PHRF1: variants seen among roughly 807,000 people sequenced by gnomAD.
PHRF1 encodes the protein PHD and RING finger domain-containing protein 1.
Under a neutral mutation model 128.9 loss-of-function variants are expected in PHRF1, and 53 were observed. That is an observed-to-expected ratio of 0.41 (90% CI 0.33 to 0.52). The LOEUF (loss-of-function observed/expected upper bound fraction) is 0.52. Ranked by LOEUF, PHRF1 falls within the 20% of genes least tolerant of loss-of-function variation. PHRF1 has a pLI of 0.21. For synonymous variants in PHRF1, 1,178 were observed against 980.6 expected, an observed-to-expected ratio of 1.20 and a Z score of -3.76; for missense variants, 2,503 against 2,284.5, an observed-to-expected ratio of 1.10 and a Z score of -1.95.
Position 611,883 on chromosome 11 carries a change from G to A in PHRF1, c.*106G>A. 1 of 1,470,902 alleles carries A rather than the reference G, an allele frequency of 6.8e-7. No homozygotes were observed. The allele number at this position is 1,470,902 out of a possible 1,614,324, so 91.1% of individuals were successfully genotyped here. A position where few individuals can be genotyped will look rare whatever the true frequency, so the allele number is the denominator to read the frequency against. Reference sequence around the variant, plus strand: ...TGGCGGGAATCGGGGCCATGCCCGGGGAGCTGTCGGGAGTGGCGGGAAATG... The same window carrying A: ...TGGCGGGAATCGGGGCCATGCCCGGAGAGCTGTCGGGAGTGGCGGGAAATG... On this transcript the variant is annotated 3_prime_UTR_variant, in exon 18 of 18. Transcript: ENST00000264555.
In PHRF1 at chr11:611,651, T is replaced by C; in HGVS notation, c.4824T>C (p.Ser1608=). ...TTCTCCAGATCTGCCACAGCAAGAGTGGAGAGATCAACCCCGTGAAGGTGG... is the reference window on the plus strand; with the variant it reads ...TTCTCCAGATCTGCCACAGCAAGAGCGGAGAGATCAACCCCGTGAAGGTGG... The part of the protein sequence containing the change: ...KAVQKICHSK[S]GEINPVKVAN... The change falls in exon 18 of 18, where the codon AGT becomes AGC. Residue 1608 remains serine (S), a synonymous_variant. Transcript: ENST00000264555. 6.2e-7 allele frequency: 1 copy of C among 1,612,982 alleles called. No homozygotes were observed. Among genetic ancestry groups the C allele is most frequent in the Non-Finnish European group, 8.5e-7 (1 of 1,179,794 alleles).
chr11:591,610 G>A lies in PHRF1; in HGVS notation c.504+143G>A. 2.8e-6 allele frequency: 2 copies of A among 717,118 alleles called. 1 individual carries two copies. The highest frequency in any genetic ancestry group is 4.5e-5 in the South Asian group (2 of 44,610). 44.4% of individuals were successfully genotyped at this position (717,118 alleles called of 1,614,324 possible). A position where few individuals can be genotyped will look rare whatever the true frequency, so the allele number is the denominator to read the frequency against. ...ATAGAAATCAACTCAAGTGCCCCTTGTGGCCATGAGCCCTGTCTGGGGGGT... is the reference window on the plus strand; with the variant it reads ...ATAGAAATCAACTCAAGTGCCCCTTATGGCCATGAGCCCTGTCTGGGGGGT... On this transcript the variant is annotated intron_variant, in intron 5 of 17. Transcript: ENST00000264555.
intron 17 of PHRF1, 63 bp downstream of exon 17, chr11:611,145 C>T (rs147819611): frequency 0.012 from 18,638 of 1,596,054 alleles, 142 homozygotes; most frequent in Non-Finnish European, 0.014. Flanking sequence ...GCTGCTGTCT[C>T]GTCAGCATGG....
At position 598,411 on chromosome 11, in the gene PHRF1, A is replaced by G. The variant is rs752473941; in HGVS notation, c.933A>G (p.Glu311=). The G allele has an allele frequency of 2.5e-6, 4 of 1,611,018 alleles. No individual in the cohort carries two copies. The highest frequency in any genetic ancestry group is 1.3e-5 in the African/African-American group (1 of 74,910). The change falls in exon 9 of 18, where the codon GAA becomes GAG. Residue 311 remains glutamate, a synonymous_variant. Transcript: ENST00000264555. ...PGRLGSSLLD[E]AIEAVATGLS... is the part of the protein sequence containing the mutation. ...GCCTCGGGTCTTCCCTGCTGGATGA[A>G]GCCATCGAGGCTGTGGCGACTGGCC...
chr11:581,938 C>T, intron 2 of PHRF1, 24 bp from the exon 3 acceptor site: 3 of 1,568,988 alleles, frequency 1.9e-6, no homozygotes, highest in South Asian at 2.4e-5. Context: ...CGCCCTGCGG[C>T]CTGTGTCTCA....
Position 612,184 on chromosome 11 carries a change from G to A in PHRF1, c.*407G>A. ...CCGCCAACAGCTGCTGTGTACCTTT[G>A]GCTCTGAATTAGGAATATCTTTACT... On this transcript the variant is annotated 3_prime_UTR_variant, in exon 18 of 18. Transcript: ENST00000264555. The A allele has an allele frequency of 3.3e-6, 1 of 306,620 alleles. No individual in the cohort carries two copies. 19.0% of individuals were successfully genotyped at this position (306,620 alleles called of 1,614,324 possible).
Position 608,669 on chromosome 11 carries a change from G to A in PHRF1, c.3213G>A (p.Lys1071=). The A allele has an allele frequency of 6.2e-7, 1 of 1,612,462 alleles. No individual in the cohort carries two copies. The highest frequency in any genetic ancestry group is 8.5e-7 in the Non-Finnish European group (1 of 1,179,802). ...SRERAKRKKA[K]DKSREHRRGP... ...AGCGAGCTAAGAGGAAGAAAGCCAA[G>A]GACAAGAGCAGGGAGCACAGGCGGG... Residue 1071 remains lysine (K), a synonymous_variant, in exon 14 of 18, where the codon AAG becomes AAA. Transcript: ENST00000264555.
intron 17 of PHRF1, among the ~76,000 whole-genome samples, chr11:611,309 C>G (rs1181680078): frequency 6.6e-6 from 1 of 152,186 alleles, no homozygotes; most frequent in Non-Finnish European, 1.5e-5. Flanking sequence ...TCAGTGCACC[C>G]TGGGTAATTT....
chr11:587,527 C>G, intron 4 of PHRF1, 63 bp downstream of exon 4: 1 of 1,534,962 alleles, frequency 6.5e-7, no homozygotes, highest in South Asian at 1.1e-5. Flanking sequence ...TATAGGTGAC[C>G]CAGCCTGTGT....
chr11:601,494 G>A (rs1032580679), intron 9 of PHRF1, 80 bp from the exon 10 acceptor site: 33 of 1,578,692 alleles, frequency 2.1e-5, no homozygotes, highest in African/African-American at 1.8e-4. Context: ...CTTGGGCTCC[G>A]TCCACTGGGC....
At chr11:611,253 G>T (rs940280948) in intron 17 of PHRF1, among the ~76,000 whole-genome samples, 171 bp downstream of exon 17, 2 of 152,192 alleles carry the variant, frequency 1.3e-5, no homozygotes, top group African/African-American at 2.4e-5. Flanking sequence ...GGTCAAGCCT[G>T]TTCGCCTGTG....
chr11:595,147 A>AC lies in PHRF1; in HGVS notation c.621-1772dup, dbSNP rs1489232792. 2.6e-5 allele frequency among the ~76,000 whole-genome samples: 4 copies of AC among 152,132 alleles called. No homozygotes were observed. The East Asian group carries it at 5.8e-4, about 22-fold the overall frequency. Reference sequence around the variant, plus strand: ...AGACCAGCCTGGCCAACATGGCGAAACCCCGTCTCTACTAAAAATAAAAAA... The same window carrying AC: ...AGACCAGCCTGGCCAACATGGCGAAACCCCCGTCTCTACTAAAAATAAAAAA... On this transcript the variant is annotated intron_variant, in intron 6 of 17. Transcript: ENST00000264555.
chr11:593,425 C>T (rs1050663938), intron 6 of PHRF1, among the ~76,000 whole-genome samples: 31 of 152,256 alleles, frequency 2.0e-4, no homozygotes, highest in Non-Finnish European at 3.1e-4. Flanking sequence ...GAGGCCTTGA[C>T]GTGCCGCGGC....
chr11:608,510 C>A lies in PHRF1; in HGVS notation c.3054C>A (p.Arg1018=). Residue 1018 remains arginine, a synonymous_variant, in exon 14 of 18, where the codon CGC becomes CGA. Transcript: ENST00000264555. ...KRVSREHGRT[R]SGTRSESRDR... ...TGTCCAGGGAGCACGGACGGACGCG[C>A]TCTGGGACGCGCTCTGAATCCAGGG... The A allele has an allele frequency of 1.4e-6, 2 of 1,448,034 alleles. No homozygotes were observed. The highest frequency in any genetic ancestry group is 1.9e-6 in the Non-Finnish European group (2 of 1,074,860). 89.7% of individuals were successfully genotyped at this position (1,448,034 alleles called of 1,614,324 possible).
chr11:583,336 C>CA (rs917210986), intron 3 of PHRF1, among the ~76,000 whole-genome samples: 29 of 151,122 alleles, frequency 1.9e-4, no homozygotes, highest in South Asian at 2.1e-4. Context: ...GACTCTGTCT[C>CA]AAAAAAAACA....
At position 605,856 on chromosome 11, in the gene PHRF1, T is replaced by G. The variant is rs4623937; in HGVS notation, c.1454+132T>G. The G allele has an allele frequency of 1.3e-5, 18 of 1,366,372 alleles. No homozygotes were observed. In the Admixed American group the frequency reaches 3.2e-4, roughly 24 times the overall value. 84.6% of individuals were successfully genotyped at this position (1,366,372 alleles called of 1,614,324 possible). On this transcript the variant is annotated intron_variant, in intron 12 of 17. Transcript: ENST00000264555. The stretch of plus-strand genomic sequence containing the variant: ...CGTCAGCACCTCCCCTCAGCTGTCA[T>G]GCTCATCAGTCGGCCCTTGGCGTGA...
chr11:605,503 A>G lies in PHRF1; in HGVS notation c.1335-102A>G. ...GGGCCCGAATCACACGTGCCGCCAC[A>G]TGGCCAGTGCTCGGCCATCCTCCTC... On this transcript the variant is annotated intron_variant, in intron 11 of 17. Coordinates refer to ENST00000264555, the MANE Select transcript of PHRF1 (RefSeq NM_001286581.2). 4.6e-6 allele frequency: 7 copies of G among 1,535,908 alleles called. 1 individual carries two copies. The highest frequency in any genetic ancestry group is 3.8e-5 in the South Asian group (3 of 79,966).
Position 611,730 on chromosome 11 carries a change from A to G in PHRF1, c.4903A>G (p.Lys1635Glu). 6.2e-7 allele frequency: 1 copy of G among 1,612,784 alleles called. No homozygotes were observed. The highest frequency in any genetic ancestry group is 8.5e-7 in the Non-Finnish European group (1 of 1,179,766). ...GTACAGGCACATGCGCAGGCACAAG[A>G]AACCAGAGGCCGGGGAGGAGCCGCC... ...DKYRHMRRHK[K>E]PEAGEEPPTQ... The change falls in exon 18 of 18, where the codon AAA (lysine) becomes GAA (glutamate). Residue 1635 changes from lysine (K) to glutamate (E), a missense_variant. Coordinates refer to ENST00000264555, the MANE Select transcript of PHRF1 (RefSeq NM_001286581.2).
At chr11:595,335 T>C (rs898205255) in intron 6 of PHRF1, among the ~76,000 whole-genome samples, 1 of 152,222 alleles carries the variant, frequency 6.6e-6, no homozygotes, top group Non-Finnish European at 1.5e-5. Context: ...TATCTGTAGA[T>C]ACACTGACAT....
Sources: allele counts gnomAD v4.1 joint callset (sites outside exome capture counted in the v4.1 genomes callset), GRCh38; gene constraint gnomAD v4.1.1; transcripts MANE v1.5; gene names NCBI Gene and HGNC (gene_info 2026-07-23, HGNC 2026-07-21).